Variants in CSTPP1 observed in about 807,000 individuals in gnomAD.
The protein encoded by CSTPP1 is centriolar satellite-associated tubulin polyglutamylase complex regulator 1.
chr11:47,072,013 C>G, the CSTPP1 span, among the ~76,000 whole-genome samples: 1 of 152,206 alleles, frequency 6.6e-6, no homozygotes, highest in South Asian at 2.1e-4. Context: ...TCCACTAAGC[C>G]CATTTGCAGT....
chr11:46,982,965 T>A, the CSTPP1 span, among the ~76,000 whole-genome samples: 1 of 152,170 alleles, frequency 6.6e-6, no homozygotes, highest in Non-Finnish European at 1.5e-5. Flanking sequence ...GTAACTTATA[T>A]GAAGTTACAC....
chr11:47,048,725 A>G, the CSTPP1 span, among the ~76,000 whole-genome samples: 1 of 152,088 alleles, frequency 6.6e-6, no homozygotes, highest in Non-Finnish European at 1.5e-5. Flanking sequence ...TTTGTTGGGG[A>G]TGATGAAAAA....
the CSTPP1 span, among the ~76,000 whole-genome samples, chr11:47,120,749 T>A: frequency 6.6e-6 from 1 of 152,236 alleles, no homozygotes; most frequent in Non-Finnish European, 1.5e-5. The surrounding 1 kb of genome is among the most constrained non-coding windows in gnomAD (Gnocchi z 4.2). Context: ...ATGAGGACAG[T>A]ACTTACCCTA....
At chr11:47,119,177 C>T in the CSTPP1 span, among the ~76,000 whole-genome samples, 2 of 152,264 alleles carry the variant, frequency 1.3e-5, no homozygotes, top group Non-Finnish European at 2.9e-5. Context: ...ATGCCCCTCC[C>T]CCAGCCAGGC....
the CSTPP1 span, among the ~76,000 whole-genome samples, chr11:47,159,415 C>A: frequency 6.6e-6 from 1 of 152,028 alleles, no homozygotes; most frequent in South Asian, 2.1e-4. Context: ...GAGGCTGAGG[C>A]ATGAGAATCG....
chr11:47,125,844 C>G, the CSTPP1 span, among the ~76,000 whole-genome samples: 1 of 151,968 alleles, frequency 6.6e-6, no homozygotes, highest in African/African-American at 2.4e-5. Flanking sequence ...TGGCAAAACC[C>G]CGTCTCTACT....
chr11:47,155,344 T>A, the CSTPP1 span: 6 of 1,192,648 alleles, frequency 5.0e-6, no homozygotes, highest in Non-Finnish European at 6.3e-6. Flanking sequence ...TCTGTGTGCC[T>A]GGCACACACG....
At chr11:47,111,563 C>A in the CSTPP1 span, among the ~76,000 whole-genome samples, 2 of 152,130 alleles carry the variant, frequency 1.3e-5, no homozygotes, top group Admixed American at 1.3e-4. Context: ...CCCCACTCCA[C>A]ACCCCACTCC....
At chr11:47,112,919 C>T in the CSTPP1 span, among the ~76,000 whole-genome samples, 1 of 152,044 alleles carries the variant, frequency 6.6e-6, no homozygotes, top group East Asian at 1.9e-4. Context: ...TGTACATGTG[C>T]CATGTTGGTT....
chr11:46,958,431 T>C, the CSTPP1 span, among the ~76,000 whole-genome samples: 1 of 152,222 alleles, frequency 6.6e-6, no homozygotes, highest in Non-Finnish European at 1.5e-5. Context: ...ATATTGGCTA[T>C]TAATAGTTAT....
At chr11:47,130,956 C>A in the CSTPP1 span, among the ~76,000 whole-genome samples, 5 of 152,166 alleles carry the variant, frequency 3.3e-5, no homozygotes, top group African/African-American at 9.7e-5. Context: ...CTATTGAGAT[C>A]ATGCAGCCAA....
the CSTPP1 span, among the ~76,000 whole-genome samples, chr11:46,999,284 C>T: frequency 2.0e-5 from 3 of 151,714 alleles, no homozygotes; most frequent in African/African-American, 2.4e-5. Flanking sequence ...AATACCATGT[C>T]TCAGCTACTA....
chr11:46,999,297 A>G, the CSTPP1 span, among the ~76,000 whole-genome samples: 8 of 152,020 alleles, frequency 5.3e-5, no homozygotes, highest in South Asian at 2.1e-4. Context: ...AGCTACTACA[A>G]TTCTTTGAGA....
At chr11:47,053,707 C>T in the CSTPP1 span, among the ~76,000 whole-genome samples, 1 of 151,514 alleles carries the variant, frequency 6.6e-6, no homozygotes, top group Non-Finnish European at 1.5e-5. Flanking sequence ...TTTGGGAGCC[C>T]AAGGTGGGAG....
the CSTPP1 span, among the ~76,000 whole-genome samples, chr11:47,119,278 A>T: frequency 2.4e-3 from 364 of 152,350 alleles, 2 homozygotes; most frequent in African/African-American, 8.6e-3. Context: ...ACAGGAGAGA[A>T]TCACCTTGTC....
the CSTPP1 span, among the ~76,000 whole-genome samples, chr11:46,958,153 T>A: frequency 6.6e-6 from 1 of 152,164 alleles, no homozygotes; most frequent in Non-Finnish European, 1.5e-5. Flanking sequence ...GTGATTTTCT[T>A]TTTTTTAAAT....
the CSTPP1 span, among the ~76,000 whole-genome samples, chr11:47,037,468 A>G: frequency 8.5e-6 from 1 of 117,332 alleles, no homozygotes; most frequent in African/African-American, 2.6e-5. Context: ...ACAATAGTGG[A>G]GGGAAGGTCA....
chr11:47,106,814 A>G, the CSTPP1 span, among the ~76,000 whole-genome samples: 1 of 152,058 alleles, frequency 6.6e-6, no homozygotes, highest in African/African-American at 2.4e-5. Flanking sequence ...CTAGGAAGCA[A>G]TTGAAACTGG....
the CSTPP1 span, chr11:46,987,435 T>A: frequency 1.2e-6 from 1 of 853,944 alleles, no homozygotes; most frequent in Non-Finnish European, 1.9e-6. Flanking sequence ...TTAGTTTTGG[T>A]AGGTTGGTTG....
Sources: allele counts gnomAD v4.1 joint callset (sites outside exome capture counted in the v4.1 genomes callset), GRCh38; gene constraint gnomAD v4.1.1; non-coding constraint Gnocchi (gnomAD v3.1); transcripts MANE v1.5; gene names NCBI Gene and HGNC (gene_info 2026-07-23, HGNC 2026-07-21).